The following IRGQ variants were observed in gnomAD, a reference collection of about 807,000 sequenced individuals.
The protein encoded by IRGQ is immunity related GTPase Q, also known as immunity-related GTPase family Q protein.
IRGQ carries 5 observed loss-of-function variants against 10.5 expected under a neutral mutation model. The ratio of observed to expected loss-of-function variants is 0.48; its 90% CI spans 0.25 to 1.00. The LOEUF (loss-of-function observed/expected upper bound fraction) is 1.00, where lower values mean the gene tolerates loss of function less well. Among genes scored for constraint, IRGQ ranks in the 50% least tolerant of loss-of-function variants. The pLI, the probability that IRGQ is intolerant of heterozygous loss-of-function variation, is 0.16. For synonymous variants in IRGQ, 418 were observed against 426.0 expected, an observed-to-expected ratio of 0.98 and a Z score of 0.23; for missense variants, 792 against 877.7, an observed-to-expected ratio of 0.90 and a Z score of 1.23.
Position 43,585,203 on chromosome 19 carries a change from C to G in IRGQ, c.*6823G>C, listed in dbSNP as rs980032747. On this transcript the variant is annotated 3_prime_UTR_variant, in exon 3 of 3. Coordinates refer to ENST00000422989, the MANE Select transcript of IRGQ (RefSeq NM_001007561.3). ...GATGTGGCAGTGGTGGTAGGGGTCC[C>G]AAGGGGAGCAAGAGAGGAAGTCCCA... is the stretch of plus-strand genomic sequence containing the variant. The G allele has an allele frequency of 2.0e-5, 3 of 151,278 alleles. No individual in the cohort carries two copies. Among genetic ancestry groups the G allele is most frequent in the Non-Finnish European group, 4.4e-5 (3 of 67,920 alleles). The allele number at this position is 151,278 out of a possible 1,614,324, so 9.4% of individuals were successfully genotyped here.
At chr19:43,594,470 A>AGGTG (rs1443831758) in intron 2 of IRGQ, among the ~76,000 whole-genome samples, 1 of 151,862 alleles carries the variant, frequency 6.6e-6, no homozygotes, top group African/African-American at 2.4e-5. Context: ...TGAGCCCAGG[A>AGGTG]GGTGGAGGCC....
In IRGQ at chr19:43,584,758, T is replaced by G. The variant is rs917525165; in HGVS notation, c.*7268A>C. 2 of 152,278 alleles carry G rather than the reference T, an allele frequency of 1.3e-5. No homozygotes were observed. The highest frequency in any genetic ancestry group is 4.8e-5 in the African/African-American group (2 of 41,464). The allele number at this position is 152,278 out of a possible 1,614,324, so 9.4% of individuals were successfully genotyped here. On this transcript the variant is annotated 3_prime_UTR_variant, in exon 3 of 3. Coordinates refer to ENST00000422989, the MANE Select transcript of IRGQ (RefSeq NM_001007561.3). ...AGCTCTGTTTCAGAGGTTGGTTGGC[T>G]ATGGGTGGCAGGGATCAAGGATGAC... is the stretch of plus-strand genomic sequence containing the variant.
chr19:43,591,903 T>A lies in IRGQ; in HGVS notation c.*123A>T. The A allele has an allele frequency of 9.7e-6, 8 of 825,390 alleles. No homozygotes were observed. The highest frequency in any genetic ancestry group is 1.8e-5 in the African/African-American group (1 of 56,378). 51.1% of individuals were successfully genotyped at this position (825,390 alleles called of 1,614,324 possible). On this transcript the variant is annotated 3_prime_UTR_variant, in exon 3 of 3. Transcript: ENST00000422989. Reference sequence around the variant, plus strand: ...ATTCCTGTCCCCCAGACTCTCTGAATCCAGGTGATAAGAAGTCACACATCC... The same window carrying A: ...ATTCCTGTCCCCCAGACTCTCTGAAACCAGGTGATAAGAAGTCACACATCC...
In IRGQ at chr19:43,592,745, C is replaced by T; in HGVS notation, c.1153G>A (p.Gly385Ser). 1 of 1,612,532 alleles carries T rather than the reference C, an allele frequency of 6.2e-7. No homozygotes were observed. Among genetic ancestry groups the T allele is most frequent in the South Asian group, 1.1e-5 (1 of 91,090 alleles). ...CCCTCGCTGCCAGCTTTCCCAGGAC[C>T]TTCCCCGCTGCCTGCTTTCTGCGAT... Reference protein sequence around the residue: ...AGSQKAGSGEGPGKAGSEGLQ... With the variant: ...AGSQKAGSGESPGKAGSEGLQ... Residue 385 changes from glycine (G) to serine (S), a missense_variant, in exon 3 of 3, where the codon GGT becomes AGT. Physicochemically the swap from Gly to Ser is moderately conservative, Grantham distance 56. Coordinates refer to ENST00000422989, the MANE Select transcript of IRGQ (RefSeq NM_001007561.3).
rs185315893 is a variant in IRGQ, at chr19:43,593,736, C to T, written c.531-369G>A. Reference sequence around the variant, plus strand: ...AGCTCACAGAGGGTGGGGCCTAGAACAAAGAATCGCAACTGTATTGTGGCC... The same window carrying T: ...AGCTCACAGAGGGTGGGGCCTAGAATAAAGAATCGCAACTGTATTGTGGCC... On this transcript the variant is annotated intron_variant, in intron 2 of 2. Transcript: ENST00000422989. This position sits in a 1 kb window ranked among gnomAD's most constrained non-coding sequence, Gnocchi z 6.4. Among the ~76,000 whole-genome samples the T allele has an allele frequency of 2.0e-5, 3 of 152,236 alleles. No homozygotes were observed. Among genetic ancestry groups the T allele is most frequent in the African/African-American group, 7.2e-5 (3 of 41,546 alleles).
At position 43,588,923 on chromosome 19, in the gene IRGQ, T is replaced by C. The variant is rs1170258735; in HGVS notation, c.*3103A>G. 1 of 152,212 alleles carries C rather than the reference T, an allele frequency of 6.6e-6. No homozygotes were observed. The highest frequency in any genetic ancestry group is 6.5e-5 in the Admixed American group (1 of 15,274). 9.4% of individuals were successfully genotyped at this position (152,212 alleles called of 1,614,324 possible). On this transcript the variant is annotated 3_prime_UTR_variant, in exon 3 of 3. Coordinates refer to ENST00000422989, the MANE Select transcript of IRGQ (RefSeq NM_001007561.3). ...TGAAAATGCCTGGAGCCATTCAGTA[T>C]AGAACTAAGTGCTCTTCCCCATGGT...
rs752280093 is a variant in IRGQ at position 43,592,775 on chromosome 19, C to T, written c.1123G>A (p.Ala375Thr). 28 of 1,613,588 alleles carry T rather than the reference C, an allele frequency of 1.7e-5. No individual in the cohort carries two copies. The highest frequency in any genetic ancestry group is 2.4e-5 in the Non-Finnish European group (28 of 1,180,046). Residue 375 changes from alanine to threonine, a missense_variant, in exon 3 of 3, where the codon GCT becomes ACT. Ala to Thr is a moderately conservative substitution (Grantham distance 58). Coordinates refer to ENST00000422989, the MANE Select transcript of IRGQ (RefSeq NM_001007561.3). ...CCGCTGCCTGCTTTCTGCGATCCAG[C>T]GCTACATTTCTCCCTTCCCTTACTG... The part of the protein sequence containing the change: ...ALSKGREKCS[A>T]GSQKAGSGEG...
chr19:43,592,945 G>T lies in IRGQ; in HGVS notation c.953C>A (p.Ala318Asp). 1 of 1,610,398 alleles carries T rather than the reference G, an allele frequency of 6.2e-7. No individual in the cohort carries two copies. The highest frequency in any genetic ancestry group is 8.5e-7 in the Non-Finnish European group (1 of 1,180,016). ...AAGAGGCGCATCTGGTAGCAGCAAG[G>T]CCTGGACCTGGGCCCAGTCCTTCTC... ...PTEKDWAQVQALLLPDAPLVC... is the reference protein window; with the variant it reads ...PTEKDWAQVQDLLLPDAPLVC... The change falls in exon 3 of 3, where the codon GCC becomes GAC. Residue 318 changes from alanine to aspartate, a missense_variant. Physicochemically the swap from Ala to Asp is moderately radical, Grantham distance 126. Coordinates refer to ENST00000422989, the MANE Select transcript of IRGQ (RefSeq NM_001007561.3).
Position 43,595,117 on chromosome 19 carries a change from T to C in IRGQ, c.222A>G (p.Glu74=). The part of the protein sequence containing the change: ...PPAAPGPWAA[E]ANVLVLVLPG... ...GCAGCACCAGTACCAGCACGTTGGC[T>C]TCCGCCGCCCAGGGCCCCGGCGCTG... is the stretch of plus-strand genomic sequence containing the variant. Residue 74 remains glutamate, a synonymous_variant, in exon 2 of 3, where the codon GAA becomes GAG. Coordinates refer to ENST00000422989, the MANE Select transcript of IRGQ (RefSeq NM_001007561.3). 1 of 1,601,964 alleles carries C rather than the reference T, an allele frequency of 6.2e-7. No homozygotes were observed. Among genetic ancestry groups the C allele is most frequent in the Non-Finnish European group, 8.5e-7 (1 of 1,173,386 alleles).
At position 43,595,356 on chromosome 19, in the gene IRGQ, T is replaced by A; in HGVS notation, c.-2-16A>T. The stretch of plus-strand genomic sequence containing the variant: ...GGAGGCATGGCTGGAAAGCAACGGG[T>A]AGAGAAGACCTGGGTCAGGGAGCAC... On this transcript the variant is annotated splice_polypyrimidine_tract_variant and intron_variant, in intron 1 of 2. Transcript: ENST00000422989. 6.6e-7 allele frequency: 1 copy of A among 1,524,754 alleles called. No homozygotes were observed. The highest frequency in any genetic ancestry group is 1.3e-5 in the South Asian group (1 of 79,300). The allele number at this position is 1,524,754 out of a possible 1,614,324, so 94.5% of individuals were successfully genotyped here.
In IRGQ at chr19:43,587,792, G is replaced by C. The variant is rs1316395946; in HGVS notation, c.*4234C>G. 6.6e-6 allele frequency: 1 copy of C among 151,740 alleles called. No homozygotes were observed. The highest frequency in any genetic ancestry group is 2.4e-5 in the African/African-American group (1 of 41,260). 9.4% of individuals were successfully genotyped at this position (151,740 alleles called of 1,614,324 possible). Reference sequence around the variant, plus strand: ...ATGGTGGCGGGTGCCTGTAATCCCAGCTACTCGGGAGGCTGAGGCAGGAGA... The same window carrying C: ...ATGGTGGCGGGTGCCTGTAATCCCACCTACTCGGGAGGCTGAGGCAGGAGA... On this transcript the variant is annotated 3_prime_UTR_variant, in exon 3 of 3. Coordinates refer to ENST00000422989, the MANE Select transcript of IRGQ (RefSeq NM_001007561.3).
chr19:43,592,461 G>A lies in IRGQ; in HGVS notation c.1437C>T (p.Ala479=), dbSNP rs765295100. The change falls in exon 3 of 3, where the codon GCC becomes GCT. Residue 479 remains alanine (A), a synonymous_variant. Transcript: ENST00000422989. ...AARTKAAALR[A]GAWRPALLAS... ...CCAGCAGAGCTGGCCTCCACGCCCC[G>A]GCTCGCAACGCCGCAGCCTTGGTTC... 9 of 1,586,358 alleles carry A rather than the reference G, an allele frequency of 5.7e-6. No homozygotes were observed. The highest frequency in any genetic ancestry group is 1.7e-5 in the Admixed American group (1 of 58,426).
rs1198114930 is a variant in IRGQ at position 43,593,527 on chromosome 19, T to G, written c.531-160A>C. Reference sequence around the variant, plus strand: ...GATGGCACAGCAAATAGAAACCAGATAGGGAGAGGCAGTGATGATATGGGT... The same window carrying G: ...GATGGCACAGCAAATAGAAACCAGAGAGGGAGAGGCAGTGATGATATGGGT... On this transcript the variant is annotated intron_variant, in intron 2 of 2. Transcript: ENST00000422989. The surrounding 1 kb of genome is among the most constrained non-coding windows in gnomAD (Gnocchi z 6.4). Among the ~76,000 whole-genome samples, 1 of 152,084 alleles carries G rather than the reference T, an allele frequency of 6.6e-6. No individual in the cohort carries two copies. Among genetic ancestry groups the G allele is most frequent in the Non-Finnish European group, 1.5e-5 (1 of 68,008 alleles).
Position 43,593,607 on chromosome 19 carries a change from G to A in IRGQ, c.531-240C>T, listed in dbSNP as rs2240931. Among the ~76,000 whole-genome samples, 8,176 of 152,284 alleles carry A rather than the reference G, an allele frequency of 0.054. 266 individuals carry two copies. Among genetic ancestry groups the A allele is most frequent in the Middle Eastern group, 0.19 (55 of 294 alleles). ...TATTGGACGGGTGGACATAAGGTCA[G>A]GTTTCCCACCCCAGCCTAAAATGGG... On this transcript the variant is annotated intron_variant, in intron 2 of 2. Transcript: ENST00000422989. The surrounding 1 kb of genome is among the most constrained non-coding windows in gnomAD (Gnocchi z 6.4).
In IRGQ at chr19:43,592,965, C is replaced by CT; in HGVS notation, c.932dup (p.Asp312GlyfsTer57). 6.2e-7 allele frequency: 1 copy of CT among 1,609,454 alleles called. No homozygotes were observed. Among genetic ancestry groups the CT allele is most frequent in the Non-Finnish European group, 8.5e-7 (1 of 1,179,950 alleles). On this transcript the variant is annotated frameshift_variant, in exon 3 of 3. Transcript: ENST00000422989. LOFTEE classifies it low-confidence loss of function (END_TRUNC). ...GCAAGGCCTGGACCTGGGCCCAGTC[C>CT]TTCTCAGTGGGGGCCCCAGGGGTGA...
Position 43,589,195 on chromosome 19 carries a change from A to G in IRGQ, c.*2831T>C, listed in dbSNP as rs1356546281. Reference sequence around the variant, plus strand: ...TTGCTTCCCAGGTCCCTGACCTCAGACAAGGGTGTTCTCTCCCATTAAATG... The same window carrying G: ...TTGCTTCCCAGGTCCCTGACCTCAGGCAAGGGTGTTCTCTCCCATTAAATG... On this transcript the variant is annotated 3_prime_UTR_variant, in exon 3 of 3. Transcript: ENST00000422989. 6.6e-6 allele frequency: 1 copy of G among 152,222 alleles called. No individual in the cohort carries two copies. Among genetic ancestry groups the G allele is most frequent in the Non-Finnish European group, 1.5e-5 (1 of 68,042 alleles). 9.4% of individuals were successfully genotyped at this position (152,222 alleles called of 1,614,324 possible). A position where few individuals can be genotyped will look rare whatever the true frequency, so the allele number is the denominator to read the frequency against.
chr19:43,585,796 C>A lies in IRGQ; in HGVS notation c.*6230G>T, dbSNP rs1972988847. 1 of 152,164 alleles carries A rather than the reference C, an allele frequency of 6.6e-6. No individual in the cohort carries two copies. The highest frequency in any genetic ancestry group is 6.5e-5 in the Admixed American group (1 of 15,270). 9.4% of individuals were successfully genotyped at this position (152,164 alleles called of 1,614,324 possible). A position where few individuals can be genotyped will look rare whatever the true frequency, so the allele number is the denominator to read the frequency against. On this transcript the variant is annotated 3_prime_UTR_variant, in exon 3 of 3. Transcript: ENST00000422989. ...GGAAAAACTCAGATACTGATAAATTCTCTTGATCACAGCCCAGTTTTTCCC... is the reference window on the plus strand; with the variant it reads ...GGAAAAACTCAGATACTGATAAATTATCTTGATCACAGCCCAGTTTTTCCC...
In IRGQ at chr19:43,592,487, G is replaced by A. The variant is rs751838655; in HGVS notation, c.1411C>T (p.Arg471Ter). ...GCTCGCAACGCCGCAGCCTTGGTTC[G>A]GGCAGCGCTGGGAGATGCTGGTGGC... ...ALPPASPSAA[R>*]TKAAALRAGA... The change falls in exon 3 of 3, where the codon CGA becomes TGA. Residue 471 changes from arginine (R) to a stop codon, truncating the protein, a stop_gained. Transcript: ENST00000422989. LOFTEE classifies it high-confidence loss of function. The A allele has an allele frequency of 2.7e-5, 43 of 1,593,040 alleles. No individual in the cohort carries two copies. The highest frequency in any genetic ancestry group is 1.8e-4 in the Middle Eastern group (1 of 5,572).
In IRGQ at chr19:43,587,484, A is replaced by C. The variant is rs1197341162; in HGVS notation, c.*4542T>G. ...ATCTACTTCTCCAACTATGAATTTT[A>C]TGAAATCAAAATAAAGGTCAAGCAT... On this transcript the variant is annotated 3_prime_UTR_variant, in exon 3 of 3. Transcript: ENST00000422989. 6.6e-6 allele frequency: 1 copy of C among 152,260 alleles called. No homozygotes were observed. Among genetic ancestry groups the C allele is most frequent in the South Asian group, 2.1e-4 (1 of 4,838 alleles). The allele number at this position is 152,260 out of a possible 1,614,324, so 9.4% of individuals were successfully genotyped here.
Sources: allele counts gnomAD v4.1 joint callset (sites outside exome capture counted in the v4.1 genomes callset), GRCh38; gene constraint gnomAD v4.1.1; non-coding constraint Gnocchi (gnomAD v3.1); transcripts MANE v1.5; gene names NCBI Gene and HGNC (gene_info 2026-07-23, HGNC 2026-07-21).